LMNTD1: variants seen among roughly 807,000 people sequenced by gnomAD.
LMNTD1 encodes the protein lamin tail domain containing 1.
Under a neutral mutation model 50.9 loss-of-function variants are expected in LMNTD1, and 35 were observed. That is an observed-to-expected ratio of 0.69 (90% CI 0.53 to 0.91). LMNTD1 has a LOEUF of 0.91. Among genes scored for constraint, LMNTD1 ranks in the 40% least tolerant of loss-of-function variants. The pLI, the probability that LMNTD1 is intolerant of heterozygous loss-of-function variation, is 0.00. For synonymous variants in LMNTD1, 153 were observed against 161.9 expected (o/e 0.94, Z 0.42); for missense variants, 470 against 475.5 (o/e 0.99, Z 0.11).
At chr12:25,499,274 A>G (rs943741357) in intron 9 of LMNTD1, among the ~76,000 whole-genome samples, 3 of 151,618 alleles carry the variant, frequency 2.0e-5, no homozygotes, top group African/African-American at 4.8e-5. Flanking sequence ...GAGTTTCACT[A>G]TGTTTCCCAG....
At chr12:25,497,030 T>A (rs1939099949) in intron 9 of LMNTD1, among the ~76,000 whole-genome samples, 1 of 152,130 alleles carries the variant, frequency 6.6e-6, no homozygotes, top group Admixed American at 6.5e-5. Flanking sequence ...GTAGCATGTA[T>A]TAGAACTTCA....
chr12:25,560,619 A>C (rs887068442), intron 1 of LMNTD1, among the ~76,000 whole-genome samples: 2 of 152,210 alleles, frequency 1.3e-5, no homozygotes. Flanking sequence ...CATTGAATCT[A>C]TAAATTACCT....
chr12:25,621,351 A>G (rs766431959), intron 1 of LMNTD1, among the ~76,000 whole-genome samples: 9 of 152,124 alleles, frequency 5.9e-5, no homozygotes, highest in African/African-American at 1.2e-4. Flanking sequence ...TAGACTTCCA[A>G]AGTGCTGGGA....
At chr12:25,640,352 A>G (rs1565533350) in intron 1 of LMNTD1, among the ~76,000 whole-genome samples, 1 of 152,122 alleles carries the variant, frequency 6.6e-6, no homozygotes. Flanking sequence ...TCTACAAAAA[A>G]TACAAAAATT....
chr12:25,634,046 A>G (rs1017183871), intron 1 of LMNTD1, among the ~76,000 whole-genome samples: 4 of 152,226 alleles, frequency 2.6e-5, no homozygotes, highest in East Asian at 1.9e-4. Context: ...CAAGGCTGCT[A>G]TGAACACCTT....
chr12:25,548,896 C>T lies in LMNTD1; in HGVS notation c.310+430G>A, dbSNP rs573587706. 1.9e-3 allele frequency among the ~76,000 whole-genome samples: 283 copies of T among 152,004 alleles called. 3 individuals are homozygous for T. Among genetic ancestry groups the T allele is most frequent in the South Asian group, 0.01 (49 of 4,814 alleles). ...TACCTACTTTATGTTACTTCTTTGT[C>T]TCATCTACCTGTCTATTCGTTACTT... On this transcript the variant is annotated intron_variant, in intron 3 of 9. Coordinates refer to ENST00000458174, the MANE Select transcript of LMNTD1 (RefSeq NM_001145728.2).
intron 4 of LMNTD1, among the ~76,000 whole-genome samples, chr12:25,536,190 AG>A (rs1942569530): frequency 6.6e-6 from 1 of 152,226 alleles, no homozygotes; most frequent in Non-Finnish European, 1.5e-5. Context: ...CAAAAAAATC[AG>A]CAAAAAGACA....
intron 1 of LMNTD1, among the ~76,000 whole-genome samples, chr12:25,568,621 A>C (rs1040923923): frequency 6.6e-6 from 1 of 152,204 alleles, no homozygotes; most frequent in Non-Finnish European, 1.5e-5. Context: ...AGAATGGTTT[A>C]ATGGGCCAGG....
chr12:25,504,965 A>G lies in LMNTD1; in HGVS notation c.1190-1165T>C, dbSNP rs572491052. On this transcript the variant is annotated intron_variant, in intron 8 of 9. Coordinates refer to ENST00000458174, the MANE Select transcript of LMNTD1 (RefSeq NM_001145728.2). ...CTAGAGCAGTTTGTTGGCATGAAAT[A>G]GACCTTGTAAATATTTTATGTATGT... 3.3e-5 allele frequency among the ~76,000 whole-genome samples: 5 copies of G among 152,360 alleles called. No individual in the cohort carries two copies. In the East Asian group the frequency reaches 5.8e-4, roughly 18 times the overall value.
chr12:25,609,234 C>G (rs558499635), intron 1 of LMNTD1, among the ~76,000 whole-genome samples: 1 of 152,186 alleles, frequency 6.6e-6, no homozygotes, highest in East Asian at 1.9e-4. Flanking sequence ...AATCTTTTTT[C>G]AAGGTTTTTA....
At chr12:25,548,818 T>C (rs1943583209) in intron 3 of LMNTD1, among the ~76,000 whole-genome samples, 1 of 152,024 alleles carries the variant, frequency 6.6e-6, no homozygotes, top group African/African-American at 2.4e-5. Flanking sequence ...GTTTTCATTT[T>C]CCTCTCCTTC....
intron 1 of LMNTD1, among the ~76,000 whole-genome samples, chr12:25,646,235 T>C (rs1372112901): frequency 6.6e-6 from 1 of 151,990 alleles, no homozygotes. Context: ...CTGTTGTTCA[T>C]TGACAGCATA....
intron 1 of LMNTD1, among the ~76,000 whole-genome samples, chr12:25,561,548 G>A (rs551315687): frequency 6.6e-6 from 1 of 152,274 alleles, no homozygotes; most frequent in South Asian, 2.1e-4. Flanking sequence ...GCTGAGGAGT[G>A]CTTTACTTTC....
chr12:25,593,381 C>T (rs1201988923), intron 1 of LMNTD1, among the ~76,000 whole-genome samples: 3 of 152,216 alleles, frequency 2.0e-5, no homozygotes, highest in African/African-American at 4.8e-5. Context: ...GTTTACATCA[C>T]AGGACTCTCT....
At position 25,607,366 on chromosome 12, in the gene LMNTD1, C is replaced by A. The variant is rs557435215; in HGVS notation, c.58+41128G>T. 5.3e-5 allele frequency among the ~76,000 whole-genome samples: 8 copies of A among 152,166 alleles called. No individual in the cohort carries two copies. The East Asian group carries it at 1.4e-3, about 26-fold the overall frequency. ...TGCTCTGATCTTAGTTATTTCCTGT[C>A]TTCTGCTAGCTTTTGAATTTGTTTG... On this transcript the variant is annotated intron_variant, in intron 1 of 7. Coordinates refer to the LMNTD1 transcript ENST00000445693.
At chr12:25,582,968 C>G (rs1418737592) in intron 1 of LMNTD1, among the ~76,000 whole-genome samples, 2 of 151,804 alleles carry the variant, frequency 1.3e-5, no homozygotes, top group Non-Finnish European at 2.9e-5. Flanking sequence ...CTGCCTCAGC[C>G]TTCTGAGTAG....
rs565985677 is a variant in LMNTD1 at position 25,628,040 on chromosome 12, G to A, written c.58+20454C>T. ...GGAGAATGGCGTGAACCCGGGAGGC[G>A]GAGCTTGCAGTGAGTCGAGATCGCG... On this transcript the variant is annotated intron_variant, in intron 1 of 7. Transcript: ENST00000445693. Among the ~76,000 whole-genome samples the A allele has an allele frequency of 4.1e-3, 597 of 146,264 alleles. 1 individual carries two copies. Among genetic ancestry groups the A allele is most frequent in the African/African-American group, 0.014 (556 of 39,574 alleles).
At position 25,640,367 on chromosome 12, in the gene LMNTD1, G is replaced by A. The variant is rs780446738; in HGVS notation, c.58+8127C>T. On this transcript the variant is annotated intron_variant, in intron 1 of 7. Transcript: ENST00000445693. Reference sequence around the variant, plus strand: ...TCTACAAAAAATACAAAAATTAGCCGGGCATGGCATGTCTATAGGCCTAAC... The same window carrying A: ...TCTACAAAAAATACAAAAATTAGCCAGGCATGGCATGTCTATAGGCCTAAC... 5.9e-5 allele frequency among the ~76,000 whole-genome samples: 9 copies of A among 151,908 alleles called. No individual in the cohort carries two copies. The East Asian group carries it at 7.8e-4, about 13-fold the overall frequency.
At chr12:25,585,960 G>A (rs951872145) in intron 1 of LMNTD1, 1 of 152,114 alleles carries the variant, frequency 6.6e-6, no homozygotes, top group African/African-American at 2.4e-5. Flanking sequence ...CTTGCCCTCG[G>A]TCATTGGTCC....
Sources: allele counts gnomAD v4.1 joint callset (sites outside exome capture counted in the v4.1 genomes callset), GRCh38; gene constraint gnomAD v4.1.1; transcripts MANE v1.5; gene names NCBI Gene and HGNC (gene_info 2026-07-23, HGNC 2026-07-21).